The following WWOX variants were observed in gnomAD, a reference collection of about 807,000 sequenced individuals.
The protein encoded by WWOX is WW domain containing oxidoreductase.
WWOX carries 69 observed loss-of-function variants against 46.2 expected under a neutral mutation model. That is an observed-to-expected ratio of 1.49 (90% CI 1.23 to 1.82). The LOEUF is 1.82. Ranked by LOEUF, WWOX falls within the 40% of genes most tolerant of loss-of-function variation. WWOX has a pLI of 0.00. For synonymous variants in WWOX, 359 were observed against 202.6 expected (o/e 1.77, Z -6.56); for missense variants, 919 against 542.6 (o/e 1.69, Z -6.89).
At chr16:78,676,910 A>G (rs1029379931) in intron 8 of WWOX, among the ~76,000 whole-genome samples, 1 of 152,238 alleles carries the variant, frequency 6.6e-6, no homozygotes, top group Admixed American at 6.5e-5. Context: ...AAGTTAATTT[A>G]GAAGTATCAA....
At chr16:78,405,631 T>TA (rs1447543070) in intron 6 of WWOX, among the ~76,000 whole-genome samples, 4 of 152,254 alleles carry the variant, frequency 2.6e-5, no homozygotes, top group Non-Finnish European at 5.9e-5. Context: ...ATGTGTTTTT[T>TA]ATCTCTCAAT....
intron 8 of WWOX, among the ~76,000 whole-genome samples, chr16:78,491,021 C>G (rs2084772607): frequency 6.6e-6 from 1 of 152,208 alleles, no homozygotes; most frequent in South Asian, 2.1e-4. Context: ...ACCTCTCCCT[C>G]TTGGCCAACT....
chr16:78,432,711 A>T lies in WWOX; in HGVS notation c.1015A>T (p.Thr339Ser), dbSNP rs1429449710. ...CATTCATCGCAGCTGGTGGGTGTAC[A>T]CACTGCTGTTTACCTTGGCGAGGCC... ...SNIHRSWWVY[T>S]LLFTLARPFT... The change falls in exon 8 of 9, where the codon ACA becomes TCA. Residue 339 changes from threonine (T) to serine (S), a missense_variant. Coordinates refer to ENST00000566780, the MANE Select transcript of WWOX (RefSeq NM_016373.4). 3.7e-6 allele frequency: 6 copies of T among 1,614,218 alleles called. No homozygotes were observed. The highest frequency in any genetic ancestry group is 2.2e-5 in the East Asian group (1 of 44,878).
At chr16:78,220,090 T>G (rs2036841166) in intron 5 of WWOX, among the ~76,000 whole-genome samples, 1 of 151,896 alleles carries the variant, frequency 6.6e-6, no homozygotes, top group African/African-American at 2.4e-5. Flanking sequence ...TAATGCTGAA[T>G]GATTGTGAAT....
chr16:79,055,209 G>A (rs2048239382), intron 8 of WWOX, among the ~76,000 whole-genome samples: 1 of 152,182 alleles, frequency 6.6e-6, no homozygotes, highest in African/African-American at 2.4e-5. Context: ...CAGGACACTT[G>A]CTGTTTTCTG....
At chr16:78,355,580 C>A in intron 5 of WWOX, 1 of 490,638 alleles carries the variant, frequency 2.0e-6, no homozygotes, top group Non-Finnish European at 4.0e-6. Context: ...GGAGGATCCC[C>A]TGGATCTTAG....
intron 8 of WWOX, among the ~76,000 whole-genome samples, chr16:79,076,246 G>T (rs761735695): frequency 6.6e-6 from 1 of 152,164 alleles, no homozygotes. Context: ...ACACAGTGTC[G>T]TGTTTGCTCC....
chr16:79,173,391 C>T (rs2050739612), intron 8 of WWOX, among the ~76,000 whole-genome samples: 1 of 152,084 alleles, frequency 6.6e-6, no homozygotes, highest in Admixed American at 6.5e-5. Flanking sequence ...TTAGGATGGC[C>T]CACATGGGTC....
chr16:79,177,599 A>G (rs1001127910), intron 8 of WWOX, among the ~76,000 whole-genome samples: 1 of 151,006 alleles, frequency 6.6e-6, no homozygotes, highest in African/African-American at 2.5e-5. Context: ...GAGTGGGGGA[A>G]AAAAGTGGGA....
rs1031825799 is a variant in WWOX, at chr16:78,526,912, C to T, written c.1056+94160C>T. Among the ~76,000 whole-genome samples, 5 of 152,320 alleles carry T rather than the reference C, an allele frequency of 3.3e-5. No individual in the cohort carries two copies. The East Asian group carries it at 9.7e-4, about 30-fold the overall frequency. On this transcript the variant is annotated intron_variant, in intron 8 of 8. Coordinates refer to ENST00000566780, the MANE Select transcript of WWOX (RefSeq NM_016373.4). ...AGGTGCAATGGCTCACGCCTATAAT[C>T]CCAGCACTTTGGGAGGCCGAGGCAG...
Position 79,211,614 on chromosome 16 carries a change from G to A in WWOX, c.1063G>A (p.Gly355Arg), listed in dbSNP as rs2051753978. 6.2e-7 allele frequency: 1 copy of A among 1,614,164 alleles called. No homozygotes were observed. The highest frequency in any genetic ancestry group is 1.1e-5 in the South Asian group (1 of 91,074). The change falls in exon 9 of 9, where the codon GGA becomes AGA. Residue 355 changes from glycine (G) to arginine (R), a missense_variant. Transcript: ENST00000566780. ...TTTCTTCTTGGATTTCCAGCAACAG[G>A]GAGCTGCCACCACCGTGTACTGTGC... ...ARPFTKSMQQGAATTVYCAAV... is the reference protein window; with the variant it reads ...ARPFTKSMQQRAATTVYCAAV...
At chr16:78,673,232 G>C (rs1040904705) in intron 8 of WWOX, among the ~76,000 whole-genome samples, 1 of 151,876 alleles carries the variant, frequency 6.6e-6, no homozygotes, top group African/African-American at 2.4e-5. Flanking sequence ...TTCAGAGCAT[G>C]TAATTTCTTC....
intron 8 of WWOX, among the ~76,000 whole-genome samples, chr16:78,733,992 C>G (rs929848649): frequency 6.8e-6 from 1 of 147,026 alleles, no homozygotes; most frequent in African/African-American, 2.5e-5. Context: ...CCCAGGTAGC[C>G]GAGGCTCCAG....
intron 5 of WWOX, chr16:78,237,619 AT>A (rs1431339265): frequency 6.6e-6 from 1 of 152,164 alleles, no homozygotes; most frequent in East Asian, 1.9e-4. Context: ...CATGGACAAA[AT>A]ACAGCCGGTA....
intron 8 of WWOX, among the ~76,000 whole-genome samples, chr16:79,169,749 C>G (rs2050664286): frequency 2.0e-5 from 3 of 152,344 alleles, no homozygotes; most frequent in Non-Finnish European, 2.9e-5. Flanking sequence ...CAGTGCCCAA[C>G]CTTGCCACAG....
intron 5 of WWOX, among the ~76,000 whole-genome samples, chr16:78,343,464 C>G (rs1489747136): frequency 8.3e-6 from 1 of 120,714 alleles, no homozygotes; most frequent in East Asian, 1.9e-4. Context: ...AGATGTATAT[C>G]CCTTGTTTTC....
At chr16:78,455,790 G>T (rs760370490) in intron 8 of WWOX, among the ~76,000 whole-genome samples, 64 of 128,202 alleles carry the variant, frequency 5.0e-4, no homozygotes, top group Non-Finnish European at 8.8e-4. Flanking sequence ...GGAGGTGAAG[G>T]TTAAAAAAAA....
chr16:78,945,181 AAAAAAGAAAAAG>A (rs933000258), intron 8 of WWOX, among the ~76,000 whole-genome samples: 1 of 152,186 alleles, frequency 6.6e-6, no homozygotes, highest in Admixed American at 6.5e-5. Flanking sequence ...CCCTGTGTCA[AAAAAAGAAAAAG>A]AAAAAGAAAG....
At chr16:79,042,512 A>C (rs1272359861) in intron 8 of WWOX, among the ~76,000 whole-genome samples, 1 of 151,944 alleles carries the variant, frequency 6.6e-6, no homozygotes, top group African/African-American at 2.4e-5. Context: ...TAAAAATCAT[A>C]ATGTCTCAAA....
Sources: allele counts gnomAD v4.1 joint callset (sites outside exome capture counted in the v4.1 genomes callset), GRCh38; gene constraint gnomAD v4.1.1; transcripts MANE v1.5; gene names NCBI Gene and HGNC (gene_info 2026-07-23, HGNC 2026-07-21).